Variants in OPCML observed in about 807,000 individuals in gnomAD.
OPCML encodes opioid-binding protein/cell adhesion molecule.
A neutral mutation model predicts 37.8 loss-of-function variants in OPCML; 13 were observed. The ratio of observed to expected loss-of-function variants is 0.34; its 90% CI spans 0.22 to 0.55. The LOEUF (loss-of-function observed/expected upper bound fraction) is 0.55. OPCML is among the 20% of genes least tolerant of loss of function. OPCML has a pLI of 0.91. For synonymous variants in OPCML, 176 were observed against 168.8 expected (o/e 1.04, Z -0.33); for missense variants, 341 against 435.6 (o/e 0.78, Z 1.93).
intron 1 of OPCML, among the ~76,000 whole-genome samples, chr11:133,523,064 G>T (rs987733676): frequency 6.6e-6 from 1 of 152,090 alleles, no homozygotes; most frequent in African/African-American, 2.4e-5. Flanking sequence ...TTTCTTCCAG[G>T]AGGAAACAAC....
intron 1 of OPCML, among the ~76,000 whole-genome samples, chr11:133,303,679 G>A (rs1042626738): frequency 4.6e-5 from 7 of 152,216 alleles, no homozygotes; most frequent in Non-Finnish European, 7.4e-5. Flanking sequence ...CTGAGGGTAC[G>A]TTATTGATAA....
At chr11:133,428,348 A>G (rs1946046930) in intron 1 of OPCML, among the ~76,000 whole-genome samples, 1 of 152,196 alleles carries the variant, frequency 6.6e-6, no homozygotes, top group Non-Finnish European at 1.5e-5. Flanking sequence ...AGTGACCACT[A>G]CTACCATTCA....
chr11:133,153,896 T>C (rs1489636522), intron 1 of OPCML, among the ~76,000 whole-genome samples: 2 of 152,110 alleles, frequency 1.3e-5, no homozygotes, highest in African/African-American at 4.8e-5. Context: ...CTGAGATGCA[T>C]TCCCAGGTAA....
chr11:133,312,681 A>C (rs920670189), intron 1 of OPCML, among the ~76,000 whole-genome samples: 3 of 152,218 alleles, frequency 2.0e-5, no homozygotes, highest in African/African-American at 7.2e-5. Flanking sequence ...CCCAAGCTTT[A>C]CTTTCCCTTC....
At chr11:133,462,717 C>T (rs142397389) in intron 1 of OPCML, among the ~76,000 whole-genome samples, 204 of 152,152 alleles carry the variant, frequency 1.3e-3, no homozygotes, top group Middle Eastern at 6.8e-3. Flanking sequence ...TTGAAATCCT[C>T]GTAGCATTGC....
In OPCML at chr11:132,503,433, C is replaced by T. The variant is rs191873494; in HGVS notation, c.505+25628G>A. Among the ~76,000 whole-genome samples the T allele has an allele frequency of 2.6e-3, 403 of 152,252 alleles. 2 individuals carry two copies. Among genetic ancestry groups the T allele is most frequent in the Non-Finnish European group, 4.2e-3 (283 of 68,010 alleles). Reference sequence around the variant, plus strand: ...TGTCAGGCAGCATACATTTTCCTGTCCCCACTATTGCATTTGGTGCTTTAC... The same window carrying T: ...TGTCAGGCAGCATACATTTTCCTGTTCCCACTATTGCATTTGGTGCTTTAC... On this transcript the variant is annotated intron_variant, in intron 4 of 7. Transcript: ENST00000524381.
At chr11:132,935,882 C>T (rs532068492) in intron 2 of OPCML, among the ~76,000 whole-genome samples, 42 of 152,232 alleles carry the variant, frequency 2.8e-4, no homozygotes, top group African/African-American at 9.2e-4. Context: ...AAGAAGTGAC[C>T]GGCTCACGTT....
At chr11:133,490,149 G>C (rs1391372909) in intron 1 of OPCML, among the ~76,000 whole-genome samples, 2 of 152,158 alleles carry the variant, frequency 1.3e-5, no homozygotes, top group Non-Finnish European at 2.9e-5. Flanking sequence ...CAGAGAGCTT[G>C]TTGTTTCCTG....
intron 1 of OPCML, among the ~76,000 whole-genome samples, chr11:132,998,451 C>A (rs1015657347): frequency 2.0e-5 from 3 of 152,140 alleles, no homozygotes; most frequent in Non-Finnish European, 4.4e-5. Flanking sequence ...GGAAGTTTTT[C>A]TGTCTACTCT....
At chr11:132,870,063 A>C (rs11223258) in intron 2 of OPCML, among the ~76,000 whole-genome samples, 1 of 152,026 alleles carries the variant, frequency 6.6e-6, no homozygotes, top group Non-Finnish European at 1.5e-5. Context: ...CCTACTACAC[A>C]CTAGATTTCT....
intron 2 of OPCML, among the ~76,000 whole-genome samples, chr11:132,714,451 A>G (rs1417618853): frequency 2.0e-5 from 3 of 152,320 alleles, no homozygotes; most frequent in East Asian, 3.9e-4. Context: ...ATGCTTCAAA[A>G]GCACATCTTC....
chr11:133,010,299 T>C (rs1947191324), intron 1 of OPCML, among the ~76,000 whole-genome samples: 1 of 152,160 alleles, frequency 6.6e-6, no homozygotes, highest in Non-Finnish European at 1.5e-5. Flanking sequence ...TCTAGCAGAA[T>C]GTTTGCTATA....
At chr11:133,249,828 T>C (rs574517060) in intron 1 of OPCML, among the ~76,000 whole-genome samples, 98 of 152,244 alleles carry the variant, frequency 6.4e-4, no homozygotes, top group African/African-American at 2.2e-3. Flanking sequence ...TTTTTCCAAA[T>C]ACAATGCTAG....
chr11:132,563,245 T>C (rs1396218637), intron 3 of OPCML, among the ~76,000 whole-genome samples: 1 of 152,134 alleles, frequency 6.6e-6, no homozygotes, highest in Admixed American at 6.5e-5. Context: ...GCCAGGGAGT[T>C]TGACCTCAGA....
chr11:133,518,759 T>C (rs1048946914), intron 1 of OPCML, among the ~76,000 whole-genome samples: 1 of 151,774 alleles, frequency 6.6e-6, no homozygotes, highest in Non-Finnish European at 1.5e-5. Context: ...TCCTGGTGTG[T>C]TGGGGGCTGG....
rs1055213093 is a variant in OPCML, at chr11:133,208,968, A to G, written c.62-265958T>C. On this transcript the variant is annotated intron_variant, in intron 1 of 7. Transcript: ENST00000524381. The surrounding 1 kb of genome is among the most constrained non-coding windows in gnomAD (Gnocchi z 8.9). ...ACATGGAAACAACAATAATAAAAAA[A>G]TTACCTGAAATGCTGTCCTACATTC... 2.0e-5 allele frequency among the ~76,000 whole-genome samples: 3 copies of G among 152,214 alleles called. No homozygotes were observed. Among genetic ancestry groups the G allele is most frequent in the African/African-American group, 7.2e-5 (3 of 41,460 alleles).
intron 1 of OPCML, among the ~76,000 whole-genome samples, chr11:132,973,222 T>G (rs1946381647): frequency 6.6e-6 from 1 of 152,152 alleles, no homozygotes; most frequent in African/African-American, 2.4e-5. Flanking sequence ...TCTAAGGGAT[T>G]TTATGGAGCT....
chr11:133,475,739 C>T (rs903368460), intron 1 of OPCML, among the ~76,000 whole-genome samples: 1 of 152,098 alleles, frequency 6.6e-6, no homozygotes, highest in African/African-American at 2.4e-5. Context: ...TATTTAAACC[C>T]AGCGTATTAC....
chr11:133,118,152 T>C, intron 1 of OPCML: 1 of 877,026 alleles, frequency 1.1e-6, no homozygotes, highest in African/African-American at 1.8e-5. Context: ...GAACTACTTT[T>C]GAATATGTCT....
Sources: gnomAD v4.1 joint callset for allele counts (sites outside exome capture counted in the v4.1 genomes callset) on GRCh38, gnomAD v4.1.1 for gene constraint, Gnocchi (gnomAD v3.1) non-coding constraint, MANE v1.5 for transcripts, NCBI Gene and HGNC (gene_info 2026-07-23, HGNC 2026-07-21) for gene names.